FKBP5: variants seen among roughly 807,000 people sequenced by gnomAD.
FKBP5 encodes the protein peptidyl-prolyl cis-trans isomerase FKBP5.
A neutral mutation model predicts 50.5 loss-of-function variants in FKBP5; 23 were observed. The observed-to-expected ratio is 0.46, with a 90% CI of 0.33 to 0.65. FKBP5 has a LOEUF of 0.65. Ranked by LOEUF, FKBP5 falls within the 30% of genes least tolerant of loss-of-function variation. FKBP5 has a pLI of 0.02. For missense variants in FKBP5, 411 were observed against 553.1 expected (o/e 0.74, Z 2.58); for synonymous variants, 176 against 190.6 (o/e 0.92, Z 0.63).
intron 5 of FKBP5, among the ~76,000 whole-genome samples, chr6:35,604,789 A>C (rs1489481370): frequency 6.7e-6 from 1 of 149,728 alleles, no homozygotes; most frequent in African/African-American, 2.4e-5. Flanking sequence ...TTTTCTACAC[A>C]GTGTTTTCTT....
Position 35,606,659 on chromosome 6 carries a change from C to CAAAAAAAAAA in FKBP5, c.509-9265_509-9256dup, listed in dbSNP as rs61139697. On this transcript the variant is annotated intron_variant, in intron 5 of 10. Coordinates refer to ENST00000357266, the MANE Select transcript of FKBP5 (RefSeq NM_004117.4). Reference sequence around the variant, plus strand: ...TGGGCAACAGAATGAGACTCCGTCTCAAAAAAAAAAAAAAAAAAAAAAAAA... The same window carrying CAAAAAAAAAA: ...TGGGCAACAGAATGAGACTCCGTCTCAAAAAAAAAAAAAAAAAAAAAAAAAAAAAAAAAAA... Among the ~76,000 whole-genome samples, 5 of 25,132 alleles carry CAAAAAAAAAA rather than the reference C, an allele frequency of 2.0e-4. 1 individual carries two copies. Among genetic ancestry groups the CAAAAAAAAAA allele is most frequent in the Non-Finnish European group, 2.8e-4 (4 of 14,316 alleles). The allele number at this position is 25,132 out of a possible 152,430, so 16.5% of individuals were successfully genotyped here.
At chr6:35,722,372 C>T (rs1766627155) in intron 1 of FKBP5, among the ~76,000 whole-genome samples, 1 of 152,224 alleles carries the variant, frequency 6.6e-6, no homozygotes, top group Non-Finnish European at 1.5e-5. Context: ...GACTAACTCT[C>T]ACAGGCCTTG....
rs77574773 is a variant in FKBP5 at position 35,611,300 on chromosome 6, G to C, written c.508+7796C>G. ...TATCATTTCAGTGAGATTTGGAGAG[G>C]GAAAGGAGGTACGCCAACAACTGGA... On this transcript the variant is annotated intron_variant, in intron 5 of 10. Transcript: ENST00000357266. 7.3e-3 allele frequency among the ~76,000 whole-genome samples: 1,119 copies of C among 152,264 alleles called. 12 individuals carry two copies. Among genetic ancestry groups the C allele is most frequent in the African/African-American group, 0.023 (968 of 41,550 alleles).
chr6:35,603,934 G>A (rs1240167855), intron 5 of FKBP5, among the ~76,000 whole-genome samples: 1 of 151,936 alleles, frequency 6.6e-6, no homozygotes, highest in African/African-American at 2.4e-5. Context: ...TTGAACTCCC[G>A]ACCTCAAGTG....
intron 8 of FKBP5, chr6:35,582,310 AT>A: frequency 1.0e-6 from 1 of 984,632 alleles, no homozygotes; most frequent in Non-Finnish European, 1.2e-6. Context: ...TATGGACTGA[AT>A]TGTGTCCCCC....
chr6:35,676,553 C>T (rs140032141), intron 1 of FKBP5, among the ~76,000 whole-genome samples: 166 of 152,344 alleles, frequency 1.1e-3, no homozygotes, highest in African/African-American at 3.7e-3. Context: ...TCCTACCATA[C>T]CAGGCTTCCT....
At chr6:35,633,012 A>G (rs1386214805) in intron 3 of FKBP5, among the ~76,000 whole-genome samples, 1 of 152,148 alleles carries the variant, frequency 6.6e-6, no homozygotes, top group Non-Finnish European at 1.5e-5. Flanking sequence ...ATTTTATGAT[A>G]TGTTTATCTT....
chr6:35,620,026 C>G, intron 4 of FKBP5, 106 bp downstream of exon 4: 1 of 1,371,944 alleles, frequency 7.3e-7, no homozygotes, highest in Non-Finnish European at 1.0e-6. Flanking sequence ...TAAGTTGGAT[C>G]TGATTCTCTA....
Position 35,583,996 on chromosome 6 carries a change from A to G in FKBP5, c.840+3038T>C, listed in dbSNP as rs1407461762. On this transcript the variant is annotated intron_variant, in intron 8 of 10. Transcript: ENST00000357266. ...AATGCTTTCTTCCCAGGAGAAGCAC[A>G]AGGGGGCGCAAGAATCCCACATCAC... 7.1e-6 allele frequency: 7 copies of G among 985,362 alleles called. No individual in the cohort carries two copies. The East Asian group carries it at 7.9e-4, about 112-fold the overall frequency. 61.0% of individuals were successfully genotyped at this position (985,362 alleles called of 1,614,324 possible). A position where few individuals can be genotyped will look rare whatever the true frequency, so the allele number is the denominator to read the frequency against.
At chr6:35,717,287 G>A (rs1467119451) in intron 2 of FKBP5, among the ~76,000 whole-genome samples, 1 of 152,256 alleles carries the variant, frequency 6.6e-6, no homozygotes, top group African/African-American at 2.4e-5. Flanking sequence ...GGGCTTGCCT[G>A]AGAGCTGAGG....
intron 6 of FKBP5, among the ~76,000 whole-genome samples, chr6:35,592,826 C>T (rs1425551754): frequency 6.6e-6 from 1 of 152,082 alleles, no homozygotes; most frequent in African/African-American, 2.4e-5. Flanking sequence ...GGGAAGAGGC[C>T]AGGAATACTG....
chr6:35,719,098 AACCCTGAG>A (rs1766562013), intron 2 of FKBP5, among the ~76,000 whole-genome samples: 1 of 152,188 alleles, frequency 6.6e-6, no homozygotes, highest in Admixed American at 6.5e-5. Context: ...CTCTGGTCCC[AACCCTGAG>A]GGGTTGGGCT....
chr6:35,639,784 AG>A lies in FKBP5; in HGVS notation c.106-2627del, dbSNP rs758729820. Among the ~76,000 whole-genome samples the A allele has an allele frequency of 1.7e-3, 256 of 152,252 alleles. 4 individuals are homozygous for A. Among genetic ancestry groups the A allele is most frequent in the Admixed American group, 3.2e-3 (49 of 15,286 alleles). Reference sequence around the variant, plus strand: ...TCCAGGCACAGAAGGCTTTCACATAAGCAAAGTTATACAAAACAAAAATTCT... The same window carrying A: ...TCCAGGCACAGAAGGCTTTCACATAACAAAGTTATACAAAACAAAAATTCT... On this transcript the variant is annotated intron_variant, in intron 2 of 10. Transcript: ENST00000357266.
intron 1 of FKBP5, among the ~76,000 whole-genome samples, chr6:35,679,574 C>T (rs1046973367): frequency 5.3e-5 from 8 of 152,078 alleles, no homozygotes; most frequent in East Asian, 1.9e-4. Context: ...ACACACACAA[C>T]GGAATACTAC....
chr6:35,606,723 G>A (rs1308230255), intron 5 of FKBP5, among the ~76,000 whole-genome samples: 1 of 148,254 alleles, frequency 6.7e-6, no homozygotes, highest in Non-Finnish European at 1.5e-5. Flanking sequence ...TGTTGGCAAG[G>A]TTGTGGAGAA....
At chr6:35,715,443 T>C (rs908658684) in intron 2 of FKBP5, among the ~76,000 whole-genome samples, 3 of 152,228 alleles carry the variant, frequency 2.0e-5, no homozygotes, top group African/African-American at 7.2e-5. Context: ...TATATGTATG[T>C]GCAAAGTAAT....
intron 5 of FKBP5, among the ~76,000 whole-genome samples, chr6:35,603,356 AT>A (rs1450532915): frequency 4.6e-5 from 7 of 152,240 alleles, no homozygotes; most frequent in Admixed American, 4.6e-4. Flanking sequence ...CAAAGTATGA[AT>A]AAAATTCTTA....
chr6:35,612,219 C>A (rs1436053233), intron 5 of FKBP5, among the ~76,000 whole-genome samples: 1 of 152,128 alleles, frequency 6.6e-6, no homozygotes, highest in Admixed American at 6.5e-5. Context: ...GACGAAACCC[C>A]GTCTTTGCTA....
At chr6:35,588,018 T>C (rs528571351) in intron 7 of FKBP5, among the ~76,000 whole-genome samples, 1 of 150,640 alleles carries the variant, frequency 6.6e-6, no homozygotes, top group East Asian at 1.9e-4. Context: ...ACTTTTATTA[T>C]TATTATTATT....
Sources: allele counts gnomAD v4.1 joint callset (sites outside exome capture counted in the v4.1 genomes callset), GRCh38; gene constraint gnomAD v4.1.1; transcripts MANE v1.5; gene names NCBI Gene and HGNC (gene_info 2026-07-23, HGNC 2026-07-21).